CORO7: variants seen among roughly 807,000 people sequenced by gnomAD.
CORO7 encodes coronin 7.
A neutral mutation model predicts 126.6 loss-of-function variants in CORO7; 107 were observed. The observed-to-expected ratio is 0.85, with a 90% CI of 0.72 to 0.99. The LOEUF (loss-of-function observed/expected upper bound fraction) is 0.99. Ranked by LOEUF, CORO7 falls within the 50% of genes least tolerant of loss-of-function variation. CORO7 has a pLI of 0.00. For synonymous variants in CORO7, 603 were observed against 536.8 expected (o/e 1.12, Z -1.70); for missense variants, 1,314 against 1,255.8 (o/e 1.05, Z -0.70).
intron 5 of CORO7, among the ~76,000 whole-genome samples, chr16:4,407,062 C>T (rs1428371524): frequency 2.0e-5 from 3 of 152,158 alleles, no homozygotes; most frequent in Admixed American, 6.5e-5. Flanking sequence ...ATACTCTTGC[C>T]GCAGCCTTCT....
chr16:4,383,123 T>A, intron 9 of CORO7: 1 of 541,466 alleles, frequency 1.8e-6, no homozygotes, highest in Non-Finnish European at 3.2e-6. Flanking sequence ...ACCGAGTGCC[T>A]ATGAGGACAG....
intron 7 of CORO7, among the ~76,000 whole-genome samples, chr16:4,389,266 G>T (rs1209891702): frequency 6.6e-6 from 1 of 152,184 alleles, no homozygotes; most frequent in Non-Finnish European, 1.5e-5. Context: ...CAGCAGGAAG[G>T]CTCCCGGCCC....
chr16:4,399,114 C>G (rs1427840442), intron 6 of CORO7, among the ~76,000 whole-genome samples: 2 of 152,172 alleles, frequency 1.3e-5, no homozygotes, highest in Non-Finnish European at 2.9e-5. Flanking sequence ...CCTAGCATGT[C>G]TTCCAGCAAC....
At position 4,358,384 on chromosome 16, in the gene CORO7, G is replaced by A. The variant is rs557817406; in HGVS notation, c.2440C>T (p.Arg814Trp). The A allele has an allele frequency of 1.8e-5, 29 of 1,612,426 alleles. No homozygotes were observed. Among genetic ancestry groups the A allele is most frequent in the East Asian group, 4.5e-5 (2 of 44,850 alleles). The change falls in exon 24 of 28, where the codon CGG (arginine) becomes TGG (tryptophan). Residue 814 changes from arginine (R) to tryptophan (W), a missense_variant. Arg to Trp is a moderately radical substitution (Grantham distance 101). Coordinates refer to ENST00000251166, the MANE Select transcript of CORO7 (RefSeq NM_024535.5). ...ACCCTCACCCGGACTCGGGGCAGCC[G>A]GAAGGCCACAGGCTCCAGGGAGGAC... ...RQSSLEPVAF[R>W]LPRVRKEFFQ...
chr16:4,405,364 AG>A (rs2055959114), intron 6 of CORO7, 126 bp downstream of exon 6: 6 of 1,047,022 alleles, frequency 5.7e-6, no homozygotes. Flanking sequence ...CAGGGCACAC[AG>A]ATGACCATCC....
rs1451731094 is a variant in CORO7 at position 4,354,900 on chromosome 16, C to T, written c.*258G>A. 6.9e-6 allele frequency: 3 copies of T among 433,028 alleles called. No homozygotes were observed. Among genetic ancestry groups the T allele is most frequent in the Non-Finnish European group, 8.1e-6 (2 of 245,512 alleles). 26.8% of individuals were successfully genotyped at this position (433,028 alleles called of 1,614,324 possible). Reference sequence around the variant, plus strand: ...GGCCTGCCCAGGGACATGCTGCTGACCCCCCGCCACCCTGCACCCCTGGCC... The same window carrying T: ...GGCCTGCCCAGGGACATGCTGCTGATCCCCCGCCACCCTGCACCCCTGGCC... On this transcript the variant is annotated 3_prime_UTR_variant, in exon 28 of 28. Coordinates refer to ENST00000251166, the MANE Select transcript of CORO7 (RefSeq NM_024535.5).
At chr16:4,408,104 G>A in intron 4 of CORO7, 77 bp downstream of exon 4, 1 of 1,604,014 alleles carries the variant, frequency 6.2e-7, no homozygotes, top group Non-Finnish European at 8.5e-7. Flanking sequence ...GAGCCCTGTG[G>A]GGATGGCGCT....
At chr16:4,374,578 C>G (rs887550982) in intron 9 of CORO7, among the ~76,000 whole-genome samples, 14 of 152,106 alleles carry the variant, frequency 9.2e-5, no homozygotes, top group African/African-American at 3.4e-4. Context: ...CCGCTGGGGC[C>G]CCTGCTGGCC....
intron 3 of CORO7, among the ~76,000 whole-genome samples, chr16:4,409,841 A>G: frequency 6.6e-6 from 1 of 152,208 alleles, no homozygotes; most frequent in East Asian, 1.9e-4. Context: ...CAACAGCCAG[A>G]GCCCCACCTG....
chr16:4,380,853 T>C, intron 9 of CORO7: 1 of 1,470,232 alleles, frequency 6.8e-7, no homozygotes, highest in Non-Finnish European at 9.0e-7. Context: ...TGTCTCTGCC[T>C]CCTCTCTGCT....
chr16:4,404,285 A>T (rs1392508447), intron 6 of CORO7, among the ~76,000 whole-genome samples: 2 of 152,042 alleles, frequency 1.3e-5, no homozygotes, highest in East Asian at 1.9e-4. Context: ...AAGGGCCCTG[A>T]TGGGTGCCCT....
intron 1 of CORO7, among the ~76,000 whole-genome samples, chr16:4,414,931 G>A (rs117044145): frequency 0.014 from 2,061 of 151,916 alleles, 21 homozygotes; most frequent in Non-Finnish European, 0.02. Flanking sequence ...GCACAATCTC[G>A]GCTCACTGCA....
At chr16:4,415,478 C>T (rs1189660264) in intron 1 of CORO7, among the ~76,000 whole-genome samples, 1 of 152,152 alleles carries the variant, frequency 6.6e-6, no homozygotes, top group Non-Finnish European at 1.5e-5. Flanking sequence ...TCTTGTTTGT[C>T]TGCTTGCTGT....
chr16:4,380,479 C>G (rs2054918087), intron 9 of CORO7, among the ~76,000 whole-genome samples: 1 of 152,262 alleles, frequency 6.6e-6, no homozygotes, highest in African/African-American at 2.4e-5. Context: ...CTGCCTGCCC[C>G]CTCTTCCAGA....
chr16:4,408,831 C>T (rs1367517627), intron 3 of CORO7, among the ~76,000 whole-genome samples: 2 of 152,096 alleles, frequency 1.3e-5, no homozygotes, highest in Non-Finnish European at 1.5e-5. Flanking sequence ...GGTGTGGTGG[C>T]GGGCGCCTAT....
chr16:4,386,110 A>G (rs2055184586), intron 9 of CORO7, among the ~76,000 whole-genome samples: 1 of 152,176 alleles, frequency 6.6e-6, no homozygotes, highest in African/African-American at 2.4e-5. Flanking sequence ...CATCCTTGGC[A>G]TCCACCAGCT....
At chr16:4,386,333 G>A (rs2055192877) in intron 9 of CORO7, among the ~76,000 whole-genome samples, 1 of 152,248 alleles carries the variant, frequency 6.6e-6, no homozygotes, top group South Asian at 2.1e-4. Flanking sequence ...CTGGGGCCGG[G>A]CAGGAGACGC....
At chr16:4,412,311 A>C in intron 3 of CORO7, 45 bp downstream of exon 3, 1 of 1,604,388 alleles carries the variant, frequency 6.2e-7, no homozygotes, top group Non-Finnish European at 8.5e-7. Context: ...CTGGAGAGGG[A>C]GGTGCAAGTT....
intron 9 of CORO7, among the ~76,000 whole-genome samples, chr16:4,367,518 G>A (rs746202431): frequency 6.6e-6 from 1 of 152,178 alleles, no homozygotes; most frequent in Non-Finnish European, 1.5e-5. Flanking sequence ...CCTAGCACAA[G>A]AGGCAGACAG....
Sources: gnomAD v4.1 joint callset for allele counts (sites outside exome capture counted in the v4.1 genomes callset) on GRCh38, gnomAD v4.1.1 for gene constraint, MANE v1.5 for transcripts, NCBI Gene and HGNC (gene_info 2026-07-23, HGNC 2026-07-21) for gene names.